The following CACNA1B variants were observed in gnomAD, a reference collection of about 807,000 sequenced individuals.
CACNA1B encodes calcium voltage-gated channel subunit alpha1 B.
Under a neutral mutation model 247.2 loss-of-function variants are expected in CACNA1B, and 70 were observed. That is an observed-to-expected ratio of 0.28 (90% CI 0.23 to 0.35). CACNA1B has a LOEUF of 0.35. Among genes scored for constraint, CACNA1B ranks in the 10% least tolerant of loss-of-function variants. The pLI is 1.00. For synonymous variants in CACNA1B, 1,231 were observed against 1,294.4 expected, an observed-to-expected ratio of 0.95 and a Z score of 1.05; for missense variants, 2,367 against 3,197.4, an observed-to-expected ratio of 0.74 and a Z score of 6.26.
At position 138,082,188 on chromosome 9, in the gene CACNA1B, C is replaced by T. The variant is rs184380423; in HGVS notation, c.5094+3930C>T. Among the ~76,000 whole-genome samples, 4 of 151,342 alleles carry T rather than the reference C, an allele frequency of 2.6e-5. 1 individual carries two copies. In the East Asian group the frequency reaches 8.1e-4, roughly 31 times the overall value. On this transcript the variant is annotated intron_variant, in intron 36 of 46. Coordinates refer to ENST00000371372, the MANE Select transcript of CACNA1B (RefSeq NM_000718.4). ...ACTTTTTAGAATCAAAGGACACTAT[C>T]AACAGAATGAAAAGGCAACTCAAGG...
intron 15 of CACNA1B, among the ~76,000 whole-genome samples, chr9:137,989,453 G>A (rs140350231): frequency 6.6e-6 from 1 of 152,138 alleles, no homozygotes; most frequent in Admixed American, 6.5e-5. Context: ...TGCCCCTTCC[G>A]AGTGAGTCCT....
rs1190319389 is a variant in CACNA1B at position 137,957,846 on chromosome 9, C to A, written c.1333+159C>A. 6.6e-6 allele frequency among the ~76,000 whole-genome samples: 1 copy of A among 152,166 alleles called. No individual in the cohort carries two copies. Among genetic ancestry groups the A allele is most frequent in the Non-Finnish European group, 1.5e-5 (1 of 68,034 alleles). On this transcript the variant is annotated intron_variant, in intron 10 of 46. Transcript: ENST00000371372. The surrounding 1 kb of genome is among the most constrained non-coding windows in gnomAD (Gnocchi z 4.7). ...TTTGCTGCTCCTGGCTTTGTGACCC[C>A]CATGTGGACATAGGGCCCTTAGCCA...
chr9:138,051,404 T>C lies in CACNA1B; in HGVS notation c.3711-688T>C, dbSNP rs944657350. Among the ~76,000 whole-genome samples, 5 of 151,938 alleles carry C rather than the reference T, an allele frequency of 3.3e-5. No individual in the cohort carries two copies. The highest frequency in any genetic ancestry group is 6.8e-3 in the Middle Eastern group (2 of 294). ...TGCCGTCCCTGCTCTGCATGAGTTT[T>C]CCTGTCTGCTGCTTTCTGGGTAGCA... On this transcript the variant is annotated intron_variant, in intron 24 of 46. Coordinates refer to ENST00000371372, the MANE Select transcript of CACNA1B (RefSeq NM_000718.4). This position sits in a 1 kb window ranked among gnomAD's most constrained non-coding sequence, Gnocchi z 4.3.
rs932320765 is a variant in CACNA1B at position 138,010,857 on chromosome 9, C to A, written c.2160+780C>A. ...GTGTCTCTCCATGCCTTCCCTGTTC[C>A]GGGGCTGAGAGAGGCAGGTTCAGGA... On this transcript the variant is annotated intron_variant, in intron 17 of 46. Coordinates refer to ENST00000371372, the MANE Select transcript of CACNA1B (RefSeq NM_000718.4). The surrounding 1 kb of genome is among the most constrained non-coding windows in gnomAD (Gnocchi z 5.3). 6.6e-6 allele frequency among the ~76,000 whole-genome samples: 1 copy of A among 152,174 alleles called. No homozygotes were observed. Among genetic ancestry groups the A allele is most frequent in the Non-Finnish European group, 1.5e-5 (1 of 68,026 alleles).
intron 36 of CACNA1B, among the ~76,000 whole-genome samples, chr9:138,089,762 A>G (rs538136581): frequency 9.5e-4 from 145 of 152,320 alleles, no homozygotes; most frequent in South Asian, 5.2e-3. Context: ...TCCACCAAAA[A>G]ATCCTTAGAA....
At chr9:137,975,532 G>A (rs1400139984) in intron 11 of CACNA1B, among the ~76,000 whole-genome samples, 5 of 152,206 alleles carry the variant, frequency 3.3e-5, no homozygotes, top group Admixed American at 3.3e-4. Context: ...CTGTAGCTGG[G>A]CCTCTCCTTG....
intron 3 of CACNA1B, among the ~76,000 whole-genome samples, chr9:137,906,117 C>T (rs1957296219): frequency 6.6e-6 from 1 of 152,188 alleles, no homozygotes; most frequent in Admixed American, 6.5e-5. Context: ...TTTTATGGCT[C>T]TCAAGATTAT....
chr9:138,035,461 CA>C (rs1174010067), intron 20 of CACNA1B, among the ~76,000 whole-genome samples: 1 of 149,750 alleles, frequency 6.7e-6, no homozygotes, highest in African/African-American at 2.5e-5. Flanking sequence ...GAGACTGTCT[CA>C]AAAAAAAAGA....
In CACNA1B at chr9:137,882,782, C is replaced by T. The variant is rs199726113; in HGVS notation, c.429C>T (p.Phe143=). ...TEPYFIGIFC[F]EAGIKIIALG... is the part of the protein sequence containing the mutation. ...CCTATTTCATCGGGATCTTTTGCTTCGAGGCAGGGATCAAAATCATCGCTC... is the reference window on the plus strand; with the variant it reads ...CCTATTTCATCGGGATCTTTTGCTTTGAGGCAGGGATCAAAATCATCGCTC... Residue 143 remains phenylalanine (F), a synonymous_variant, in exon 3 of 47, where the codon TTC becomes TTT. Coordinates refer to ENST00000371372, the MANE Select transcript of CACNA1B (RefSeq NM_000718.4). The surrounding 1 kb of genome is among the most constrained non-coding windows in gnomAD (Gnocchi z 4.0). The T allele has an allele frequency of 5.6e-6, 9 of 1,613,852 alleles. No individual in the cohort carries two copies. The highest frequency in any genetic ancestry group is 3.3e-5 in the Admixed American group (2 of 60,004).
Position 138,073,988 on chromosome 9 carries a change from C to A in CACNA1B, c.4792-13C>A, listed in dbSNP as rs200705226. 1.6e-5 allele frequency: 25 copies of A among 1,609,492 alleles called. No individual in the cohort carries two copies. The African/African-American group carries it at 3.3e-4, about 21-fold the overall frequency. ...GGGAGGTGCCTGTAGCTGACCGGCC[C>A]CTGTCTCCGCAGGCCCTGCCCTACG... On this transcript the variant is annotated splice_polypyrimidine_tract_variant and intron_variant, in intron 33 of 46. Coordinates refer to ENST00000371372, the MANE Select transcript of CACNA1B (RefSeq NM_000718.4). This position sits in a 1 kb window ranked among gnomAD's most constrained non-coding sequence, Gnocchi z 6.4.
intron 10 of CACNA1B, among the ~76,000 whole-genome samples, chr9:137,959,458 C>G (rs1957985628): frequency 6.6e-6 from 1 of 151,914 alleles, no homozygotes; most frequent in South Asian, 2.1e-4. Context: ...AGTTTTTATT[C>G]TGATTTTGTA....
rs187414980 is a variant in CACNA1B, at chr9:138,028,231, C to T, written c.3286+3059C>T. 2.7e-3 allele frequency among the ~76,000 whole-genome samples: 407 copies of T among 152,082 alleles called. 3 individuals carry two copies. The highest frequency in any genetic ancestry group is 9.1e-3 in the African/African-American group (379 of 41,472). On this transcript the variant is annotated intron_variant, in intron 20 of 46. Transcript: ENST00000371372. ...AGAGATAGGGTTTCGCCGTGTTGGC[C>T]AGGCTGATCTTAAACTCCTGACCTC...
At chr9:138,040,507 G>A (rs1959105332) in intron 20 of CACNA1B, 1 of 401,146 alleles carries the variant, frequency 2.5e-6, no homozygotes, top group Non-Finnish European at 4.9e-6. Flanking sequence ...AATGATATAT[G>A]TATGGGAGTT....
At chr9:137,948,616 TA>T (rs372553001) in intron 6 of CACNA1B, among the ~76,000 whole-genome samples, 8 of 148,500 alleles carry the variant, frequency 5.4e-5, no homozygotes, top group Middle Eastern at 3.5e-3. Flanking sequence ...ATGCCCAGAA[TA>T]AAAAAAAAAC....
At chr9:138,120,993 C>A in intron 46 of CACNA1B, 112 bp downstream of exon 46, 2 of 1,282,258 alleles carry the variant, frequency 1.6e-6, no homozygotes, top group Non-Finnish European at 2.1e-6. Context: ...CTTTGTCATT[C>A]CCAGCAACCC....
At chr9:137,959,929 A>G (rs1423793164) in intron 10 of CACNA1B, among the ~76,000 whole-genome samples, 2 of 152,168 alleles carry the variant, frequency 1.3e-5, no homozygotes, top group African/African-American at 4.8e-5. Flanking sequence ...AGAGGTCAGG[A>G]AGGCAGGAGT....
intron 3 of CACNA1B, among the ~76,000 whole-genome samples, chr9:137,894,655 A>G (rs1009583758): frequency 4.5e-4 from 68 of 151,924 alleles, no homozygotes; most frequent in Non-Finnish European, 5.1e-4. Flanking sequence ...TGATCCGCCC[A>G]CCTCGGCCTC....
At chr9:138,082,421 A>G (rs1008292029) in intron 36 of CACNA1B, among the ~76,000 whole-genome samples, 2 of 151,312 alleles carry the variant, frequency 1.3e-5, no homozygotes, top group African/African-American at 4.9e-5. Flanking sequence ...AAAAAGGAAT[A>G]TGATGTACAG....
chr9:138,054,085 G>C lies in CACNA1B; in HGVS notation c.3968+79G>C. On this transcript the variant is annotated intron_variant, in intron 26 of 46. Coordinates refer to ENST00000371372, the MANE Select transcript of CACNA1B (RefSeq NM_000718.4). This position sits in a 1 kb window ranked among gnomAD's most constrained non-coding sequence, Gnocchi z 4.6. ...ACTGGGAGTTCCCTTGGGACCAGGT[G>C]GAGCTGGTCACACGGCGTGGGAGAC... 4 of 1,370,440 alleles carry C rather than the reference G, an allele frequency of 2.9e-6. No homozygotes were observed. Among genetic ancestry groups the C allele is most frequent in the South Asian group, 1.2e-5 (1 of 83,308 alleles). The allele number at this position is 1,370,440 out of a possible 1,614,324, so 84.9% of individuals were successfully genotyped here.
Sources: allele counts gnomAD v4.1 joint callset (sites outside exome capture counted in the v4.1 genomes callset), GRCh38; gene constraint gnomAD v4.1.1; non-coding constraint Gnocchi (gnomAD v3.1); transcripts MANE v1.5; gene names NCBI Gene and HGNC (gene_info 2026-07-23, HGNC 2026-07-21).